Variants in GRAP2 observed in about 807,000 individuals in gnomAD.
GRAP2 encodes the protein GRB2 related adaptor protein 2.
In GRAP2, 31 loss-of-function variants were observed where a neutral mutation model predicts 43.5. That is an observed-to-expected ratio of 0.71 (90% CI 0.54 to 0.96). The LOEUF is 0.96. Ranked by LOEUF, GRAP2 falls within the 40% of genes least tolerant of loss-of-function variation. The probability of loss-of-function intolerance (pLI) is 0.00; values close to 1 mark genes in which losing one functional copy is unlikely to be tolerated. For synonymous variants in GRAP2, 156 were observed against 164.8 expected (o/e 0.95, Z 0.41); for missense variants, 371 against 424.4 (o/e 0.87, Z 1.11).
intron 1 of GRAP2, among the ~76,000 whole-genome samples, chr22:39,928,985 G>A (rs970647688): frequency 6.6e-6 from 1 of 152,198 alleles, no homozygotes. Flanking sequence ...GGTATTTGAT[G>A]CATGTCATTT....
chr22:39,958,516 A>C (rs1467934096), intron 3 of GRAP2, among the ~76,000 whole-genome samples: 3 of 152,162 alleles, frequency 2.0e-5, no homozygotes, highest in Admixed American at 2.0e-4. Flanking sequence ...GGAGGGGCCC[A>C]GCACAGTACT....
At chr22:39,940,489 G>T (rs1247094677) in intron 1 of GRAP2, among the ~76,000 whole-genome samples, 13 of 150,050 alleles carry the variant, frequency 8.7e-5, no homozygotes, top group African/African-American at 2.9e-4. Context: ...TAAGGTAGTT[G>T]TCCGTTCTAT....
intron 2 of GRAP2, among the ~76,000 whole-genome samples, chr22:39,954,545 C>A (rs1390913932): frequency 6.6e-6 from 1 of 152,112 alleles, no homozygotes; most frequent in African/African-American, 2.4e-5. Context: ...CAGGCATGTG[C>A]CACCAGGCCC....
Position 39,962,380 on chromosome 22 carries a change from G to A in GRAP2, c.290+2206G>A, listed in dbSNP as rs544315671. Among the ~76,000 whole-genome samples the A allele has an allele frequency of 5.9e-5, 9 of 152,082 alleles. No homozygotes were observed. In the South Asian group the frequency reaches 1.2e-3, roughly 21 times the overall value. On this transcript the variant is annotated intron_variant, in intron 4 of 7. Transcript: ENST00000344138. Reference sequence around the variant, plus strand: ...AGGTTGCAGTGAGCCAAGATCGATCGCACCACTGCACTCTAGCCTGGGTGA... The same window carrying A: ...AGGTTGCAGTGAGCCAAGATCGATCACACCACTGCACTCTAGCCTGGGTGA...
rs745710644 is a variant in GRAP2 at position 39,969,449 on chromosome 22, T to C, written c.729T>C (p.His243=). The C allele has an allele frequency of 6.2e-6, 10 of 1,613,848 alleles. No homozygotes were observed. In the African/African-American group the frequency reaches 9.3e-5, roughly 15 times the overall value. Residue 243 remains histidine, a synonymous_variant, in exon 7 of 8, where the codon CAT becomes CAC. Coordinates refer to ENST00000344138, the MANE Select transcript of GRAP2 (RefSeq NM_004810.4). The stretch of plus-strand genomic sequence containing the variant: ...GCAGCCTTGACATAAATGATGGGCA[T>C]TGTGGCACCGGCTTGGGCAGTGAAA... ...RGGSLDINDG[H]CGTGLGSEMN... is the part of the protein sequence containing the mutation.
intron 1 of GRAP2, among the ~76,000 whole-genome samples, chr22:39,927,729 C>A (rs1370829527): frequency 6.6e-6 from 1 of 152,020 alleles, no homozygotes; most frequent in Non-Finnish European, 1.5e-5. Flanking sequence ...AAGTTCATTT[C>A]GGCTCTTTTC....
the GRAP2 span, among the ~76,000 whole-genome samples, chr22:39,896,010 A>G: frequency 6.6e-6 from 1 of 152,240 alleles, no homozygotes; most frequent in Admixed American, 6.5e-5. Context: ...CCCCTACTCC[A>G]AGGACCAATC....
rs766700141 is a variant in GRAP2 at position 39,969,493 on chromosome 22, A to G, written c.773A>G (p.His258Arg). 6.2e-7 allele frequency: 1 copy of G among 1,614,054 alleles called. No individual in the cohort carries two copies. Among genetic ancestry groups the G allele is most frequent in the Non-Finnish European group, 8.5e-7 (1 of 1,179,966 alleles). Residue 258 changes from histidine (H) to arginine (R), a missense_variant, in exon 7 of 8, where the codon CAT becomes CGT. Transcript: ENST00000344138. ...LGSEMNAALM[H>R]RRHTDPVQLQ... is the part of the protein sequence containing the mutation. ...AGTGAAATGAATGCGGCCCTCATGC[A>G]TCGGAGACACACAGACCCAGTGCAG...
intron 5 of GRAP2, among the ~76,000 whole-genome samples, chr22:39,967,360 C>A (rs2067185173): frequency 6.6e-6 from 1 of 152,114 alleles, no homozygotes; most frequent in South Asian, 2.1e-4. Context: ...TTCAGAGAAG[C>A]AATATAAAAT....
intron 1 of GRAP2, chr22:39,926,945 C>G: frequency 1.5e-6 from 1 of 667,208 alleles, no homozygotes; most frequent in Non-Finnish European, 1.9e-6. Context: ...CTGGCTCCAG[C>G]CTGGATCCAG....
chr22:39,936,032 A>G (rs1291954990), intron 1 of GRAP2, among the ~76,000 whole-genome samples: 2 of 152,184 alleles, frequency 1.3e-5, no homozygotes, highest in Non-Finnish European at 2.9e-5. Flanking sequence ...GGGAAGAGGG[A>G]AAAAAAGAGA....
chr22:39,971,204 C>A lies in GRAP2; in HGVS notation c.*120C>A. 1 of 722,000 alleles carries A rather than the reference C, an allele frequency of 1.4e-6. No homozygotes were observed. Among genetic ancestry groups the A allele is most frequent in the Admixed American group, 3.2e-5 (1 of 31,392 alleles). The allele number at this position is 722,000 out of a possible 1,614,324, so 44.7% of individuals were successfully genotyped here. On this transcript the variant is annotated 3_prime_UTR_variant, in exon 8 of 8. Coordinates refer to ENST00000344138, the MANE Select transcript of GRAP2 (RefSeq NM_004810.4). ...CTATCTACATCTGCCTGTGTACACA[C>A]ACAACTTTTTATACTAGTAATTTAT...
At chr22:39,970,017 G>A (rs2067221600) in intron 7 of GRAP2, among the ~76,000 whole-genome samples, 1 of 152,234 alleles carries the variant, frequency 6.6e-6, no homozygotes, top group Non-Finnish European at 1.5e-5. Context: ...CCAGTCTGTT[G>A]ATCTCAGTCT....
chr22:39,940,576 T>A (rs2066858089), intron 1 of GRAP2, among the ~76,000 whole-genome samples: 1 of 151,800 alleles, frequency 6.6e-6, no homozygotes, highest in Non-Finnish European at 1.5e-5. Flanking sequence ...CAATAAGAGG[T>A]AATAAACTAA....
chr22:39,927,293 G>A (rs2066713956), intron 1 of GRAP2, among the ~76,000 whole-genome samples: 1 of 152,114 alleles, frequency 6.6e-6, no homozygotes, highest in Non-Finnish European at 1.5e-5. Context: ...GTCTGGCATT[G>A]GGTTTATTTC....
chr22:39,919,765 G>A (rs1227826745), intron 1 of GRAP2, among the ~76,000 whole-genome samples: 1 of 152,202 alleles, frequency 6.6e-6, no homozygotes, highest in Non-Finnish European at 1.5e-5. Flanking sequence ...TCTATCTTGA[G>A]CAAGCATTGG....
At chr22:39,960,231 T>C in intron 4 of GRAP2, 57 bp downstream of exon 4, 1 of 1,555,640 alleles carries the variant, frequency 6.4e-7, no homozygotes, top group Non-Finnish European at 8.9e-7. Context: ...CCTCACAGAA[T>C]GCTGAAGCCA....
chr22:39,925,861 G>A (rs1204532318), intron 1 of GRAP2, among the ~76,000 whole-genome samples: 4 of 152,124 alleles, frequency 2.6e-5, no homozygotes, highest in African/African-American at 9.7e-5. Context: ...CTTGCATCCT[G>A]CCATTGGTTG....
intron 2 of GRAP2, among the ~76,000 whole-genome samples, chr22:39,950,134 C>G (rs1426804039): frequency 6.6e-6 from 1 of 152,138 alleles, no homozygotes; most frequent in Admixed American, 6.5e-5. Flanking sequence ...AGCCTCTCCC[C>G]TATATACTCT....
Sources: allele counts gnomAD v4.1 joint callset (sites outside exome capture counted in the v4.1 genomes callset), GRCh38; gene constraint gnomAD v4.1.1; transcripts MANE v1.5; gene names NCBI Gene and HGNC (gene_info 2026-07-23, HGNC 2026-07-21).